Variants in GPC6 observed in about 807,000 individuals in gnomAD.
GPC6 encodes glypican-6.
In GPC6, 14 loss-of-function variants were observed where a neutral mutation model predicts 55.2. The observed-to-expected ratio is 0.25, with a 90% CI of 0.17 to 0.40. The LOEUF is 0.40. Ranked by LOEUF, GPC6 falls within the 10% of genes least tolerant of loss-of-function variation. The pLI is 1.00. For missense variants in GPC6, 641 were observed against 708.5 expected (o/e 0.90, Z 1.08); for synonymous variants, 278 against 259.6 (o/e 1.07, Z -0.68).
chr13:94,253,044 A>G lies in GPC6; in HGVS notation c.878-33305A>G, dbSNP rs112749596. Among the ~76,000 whole-genome samples the G allele has an allele frequency of 4.3e-3, 653 of 152,208 alleles. 11 individuals are homozygous for G. The highest frequency in any genetic ancestry group is 0.015 in the African/African-American group (621 of 41,558). ...GGAATGATAAGAGGCCAAGAAGCTC[A>G]AGGGAATTCAGCGATTCTTTCTGCA... On this transcript the variant is annotated intron_variant, in intron 4 of 8. Coordinates refer to ENST00000377047, the MANE Select transcript of GPC6 (RefSeq NM_005708.5).
chr13:94,155,464 C>A (rs1181235112), intron 4 of GPC6, among the ~76,000 whole-genome samples: 2 of 152,328 alleles, frequency 1.3e-5, no homozygotes, highest in African/African-American at 4.8e-5. Context: ...AACCACCTTT[C>A]TCTCTGCCTC....
intron 2 of GPC6, among the ~76,000 whole-genome samples, chr13:93,563,983 G>A (rs963377204): frequency 6.6e-6 from 1 of 151,898 alleles, no homozygotes; most frequent in African/African-American, 2.4e-5. Context: ...ACCCTTCACC[G>A]AAGCACTATA....
intron 1 of GPC6, among the ~76,000 whole-genome samples, chr13:93,466,342 G>T (rs1271700734): frequency 2.0e-5 from 3 of 152,132 alleles, no homozygotes; most frequent in Admixed American, 6.6e-5. Context: ...ATCACGTGAT[G>T]TATAATTATT....
chr13:93,446,956 A>AT (rs78743824), intron 1 of GPC6, among the ~76,000 whole-genome samples: 2 of 149,554 alleles, frequency 1.3e-5, no homozygotes, highest in African/African-American at 2.5e-5. Flanking sequence ...TATTTTACTA[A>AT]TTTTTTTGGG....
At chr13:94,259,807 G>A (rs1258558215) in intron 4 of GPC6, among the ~76,000 whole-genome samples, 1 of 152,024 alleles carries the variant, frequency 6.6e-6, no homozygotes, top group Non-Finnish European at 1.5e-5. Context: ...ATGTTCTCAA[G>A]GTTCATTCAT....
intron 3 of GPC6, among the ~76,000 whole-genome samples, chr13:93,977,418 T>C (rs1228763885): frequency 6.6e-6 from 1 of 151,140 alleles, no homozygotes; most frequent in Non-Finnish European, 1.5e-5. Flanking sequence ...AAGTGTGTGC[T>C]GTTATTCCAA....
intron 2 of GPC6, among the ~76,000 whole-genome samples, chr13:93,630,725 T>C (rs966289402): frequency 2.0e-5 from 3 of 152,194 alleles, no homozygotes; most frequent in Admixed American, 1.3e-4. Context: ...TTATAATAAA[T>C]AAAATACAGT....
chr13:93,697,958 G>C (rs1374960084), intron 2 of GPC6, among the ~76,000 whole-genome samples: 4 of 152,004 alleles, frequency 2.6e-5, no homozygotes, highest in Non-Finnish European at 5.9e-5. Flanking sequence ...CATTTATCTT[G>C]ACAAATGAAG....
intron 2 of GPC6, among the ~76,000 whole-genome samples, chr13:93,662,049 A>G (rs1203516363): frequency 6.6e-6 from 1 of 152,132 alleles, no homozygotes; most frequent in East Asian, 1.9e-4. Flanking sequence ...AACCTTGTAT[A>G]TTCTCCCTAC....
intron 1 of GPC6, among the ~76,000 whole-genome samples, chr13:93,490,256 C>T (rs989557335): frequency 6.6e-6 from 1 of 151,130 alleles, no homozygotes; most frequent in Non-Finnish European, 1.5e-5. Context: ...TTCTGTTTAC[C>T]AAATTAAAAT....
At chr13:93,243,205 A>G (rs573211041) in intron 1 of GPC6, among the ~76,000 whole-genome samples, 1 of 152,288 alleles carries the variant, frequency 6.6e-6, no homozygotes, top group African/African-American at 2.4e-5. Flanking sequence ...TCCACAGAAT[A>G]CTAAGTCTCT....
chr13:93,372,062 T>C (rs912474788), intron 1 of GPC6, among the ~76,000 whole-genome samples: 15 of 152,156 alleles, frequency 9.9e-5, no homozygotes, highest in African/African-American at 3.6e-4. Context: ...AGATACACTT[T>C]GGGATTAGCT....
At chr13:94,234,370 C>A (rs1336936670) in intron 4 of GPC6, among the ~76,000 whole-genome samples, 1 of 152,002 alleles carries the variant, frequency 6.6e-6, no homozygotes, top group Non-Finnish European at 1.5e-5. Context: ...GCACAAAATT[C>A]TCATGGAATC....
rs1022274694 is a variant in GPC6, at chr13:94,115,849, G to C, written c.877+87955G>C. Among the ~76,000 whole-genome samples, 5 of 152,110 alleles carry C rather than the reference G, an allele frequency of 3.3e-5. No individual in the cohort carries two copies. The East Asian group carries it at 9.7e-4, about 29-fold the overall frequency. ...TTATAAATCACATTATAGTAAATAA[G>C]AATATTTTTTCAGTTTACAAAAATA... On this transcript the variant is annotated intron_variant, in intron 4 of 8. Coordinates refer to ENST00000377047, the MANE Select transcript of GPC6 (RefSeq NM_005708.5).
At chr13:93,367,474 CTTTG>C (rs904435581) in intron 1 of GPC6, among the ~76,000 whole-genome samples, 2 of 151,792 alleles carry the variant, frequency 1.3e-5, no homozygotes, top group African/African-American at 4.8e-5. Context: ...TTATTATGCC[CTTTG>C]TTTGTCTTAT....
chr13:93,315,174 A>C (rs1404623171), intron 1 of GPC6, among the ~76,000 whole-genome samples: 1 of 152,136 alleles, frequency 6.6e-6, no homozygotes, highest in Non-Finnish European at 1.5e-5. Context: ...ATTTTAAAAC[A>C]TTACATCCTT....
chr13:93,574,111 G>GAT lies in GPC6; in HGVS notation c.319+28694_319+28695dup, dbSNP rs146763071. ...TTGTGTAAGAGTTTTATTTTATTGA[G>GAT]ATATAATTTGCATACCGTTAGAGGC... On this transcript the variant is annotated intron_variant, in intron 2 of 8. Transcript: ENST00000377047. Among the ~76,000 whole-genome samples the GAT allele has an allele frequency of 1.5e-3, 235 of 152,202 alleles. 3 individuals carry two copies. Among genetic ancestry groups the GAT allele is most frequent in the African/African-American group, 5.5e-3 (228 of 41,526 alleles).
Position 94,120,641 on chromosome 13 carries a change from C to T in GPC6, c.877+92747C>T, listed in dbSNP as rs567895305. The stretch of plus-strand genomic sequence containing the variant: ...TTGCTTTGTGAACCACAGAATTGAT[C>T]GTAGTATTGTTTGTGCCCCCACAAT... On this transcript the variant is annotated intron_variant, in intron 4 of 8. Coordinates refer to ENST00000377047, the MANE Select transcript of GPC6 (RefSeq NM_005708.5). 7.2e-5 allele frequency among the ~76,000 whole-genome samples: 11 copies of T among 151,846 alleles called. No individual in the cohort carries two copies. The East Asian group carries it at 1.7e-3, about 24-fold the overall frequency.
chr13:93,868,382 TTAA>T (rs1379755083), intron 3 of GPC6, among the ~76,000 whole-genome samples: 10 of 151,918 alleles, frequency 6.6e-5, no homozygotes, highest in South Asian at 4.1e-4. Context: ...TTTTATTAAG[TTAA>T]TAATAATTCA....
Sources: gnomAD v4.1 joint callset for allele counts (sites outside exome capture counted in the v4.1 genomes callset) on GRCh38, gnomAD v4.1.1 for gene constraint, MANE v1.5 for transcripts, NCBI Gene and HGNC (gene_info 2026-07-23, HGNC 2026-07-21) for gene names.